KHDRBS2: variants seen among roughly 807,000 people sequenced by gnomAD.
KHDRBS2 encodes KH RNA binding domain containing, signal transduction associated 2.
Under a neutral mutation model 44.3 loss-of-function variants are expected in KHDRBS2, and 26 were observed. The observed-to-expected ratio is 0.59, with a 90% CI of 0.43 to 0.81. The LOEUF is 0.81. KHDRBS2 is among the 40% of genes least tolerant of loss of function. The pLI, the probability that KHDRBS2 is intolerant of heterozygous loss-of-function variation, is 0.00. For synonymous variants in KHDRBS2, 194 were observed against 151.1 expected, an observed-to-expected ratio of 1.28 and a Z score of -2.08; for missense variants, 476 against 433.1, an observed-to-expected ratio of 1.10 and a Z score of -0.88.
chr6:61,913,171 A>G (rs559794981), intron 4 of KHDRBS2, among the ~76,000 whole-genome samples: 2 of 152,138 alleles, frequency 1.3e-5, no homozygotes, highest in East Asian at 1.9e-4. Flanking sequence ...GGCCATTTAT[A>G]TACTCTATGA....
intron 4 of KHDRBS2, among the ~76,000 whole-genome samples, chr6:61,975,102 T>G (rs1166899915): frequency 6.6e-6 from 1 of 152,172 alleles, no homozygotes; most frequent in South Asian, 2.1e-4. Context: ...ACCAGCATCC[T>G]AAAGCATTCA....
the KHDRBS2 span, among the ~76,000 whole-genome samples, chr6:61,553,734 T>G: frequency 3.4e-4 from 52 of 152,310 alleles, no homozygotes; most frequent in East Asian, 9.6e-3. Context: ...ATTTCTTGAT[T>G]TCTGCCTTGA....
At chr6:61,663,167 G>A in the KHDRBS2 span, among the ~76,000 whole-genome samples, 18 of 145,142 alleles carry the variant, frequency 1.2e-4, no homozygotes, top group South Asian at 4.5e-4. Flanking sequence ...ACCAAACGCC[G>A]CGTGTTCTCA....
the KHDRBS2 span, among the ~76,000 whole-genome samples, chr6:61,588,624 A>G: frequency 1.3e-5 from 2 of 152,116 alleles, no homozygotes; most frequent in Non-Finnish European, 2.9e-5. Context: ...TCTCTACAAA[A>G]AAACAAAACC....
intron 1 of KHDRBS2, among the ~76,000 whole-genome samples, chr6:62,226,624 A>G (rs1032740243): frequency 6.6e-6 from 1 of 152,136 alleles, no homozygotes; most frequent in African/African-American, 2.4e-5. Flanking sequence ...CTACGTCTCA[A>G]TGATACTGCT....
At chr6:61,953,659 T>C (rs1435570447) in intron 4 of KHDRBS2, among the ~76,000 whole-genome samples, 1 of 152,084 alleles carries the variant, frequency 6.6e-6, no homozygotes, top group Non-Finnish European at 1.5e-5. Flanking sequence ...TTCATATTCA[T>C]GAAATTCATT....
chr6:61,635,601 A>G, the KHDRBS2 span, among the ~76,000 whole-genome samples: 1 of 151,986 alleles, frequency 6.6e-6, no homozygotes, highest in Non-Finnish European at 1.5e-5. Context: ...GGAAATGAAG[A>G]TAAACTGAAA....
chr6:61,770,285 T>G (rs1780658864), intron 6 of KHDRBS2, among the ~76,000 whole-genome samples: 2 of 152,100 alleles, frequency 1.3e-5, no homozygotes, highest in Non-Finnish European at 2.9e-5. Flanking sequence ...GTGCCTCTCC[T>G]CCTCCAAAGG....
chr6:61,911,301 G>A (rs1583467138), intron 4 of KHDRBS2, among the ~76,000 whole-genome samples: 1 of 152,146 alleles, frequency 6.6e-6, no homozygotes, highest in Non-Finnish European at 1.5e-5. Flanking sequence ...TGTAGTCAGT[G>A]CATTTCTGAG....
the KHDRBS2 span, chr6:61,661,304 C>A: frequency 6.6e-6 from 1 of 151,796 alleles, no homozygotes; most frequent in East Asian, 2.0e-4. Context: ...AAACATTAAA[C>A]CTCCAAACAG....
chr6:62,251,959 C>T (rs1373082316), intron 1 of KHDRBS2, among the ~76,000 whole-genome samples: 1 of 151,732 alleles, frequency 6.6e-6, no homozygotes, highest in Non-Finnish European at 1.5e-5. Context: ...AATTCCACAA[C>T]CATTTATAAT....
chr6:61,773,734 A>G (rs1781427802), intron 6 of KHDRBS2, among the ~76,000 whole-genome samples: 1 of 151,820 alleles, frequency 6.6e-6, no homozygotes, highest in South Asian at 2.1e-4. Context: ...TATGTCCTGA[A>G]TGGTAATGCC....
At chr6:61,880,180 C>G (rs1013210891) in intron 6 of KHDRBS2, among the ~76,000 whole-genome samples, 1 of 151,784 alleles carries the variant, frequency 6.6e-6, no homozygotes, top group African/African-American at 2.4e-5. Flanking sequence ...AAATTGAAGA[C>G]TCTCGAACAG....
intron 2 of KHDRBS2, among the ~76,000 whole-genome samples, chr6:62,128,905 A>G (rs1809597334): frequency 6.6e-6 from 1 of 152,056 alleles, no homozygotes; most frequent in African/African-American, 2.4e-5. Flanking sequence ...CATGATTATA[A>G]TTACTTTGTT....
chr6:62,103,745 TG>T (rs1802468602), intron 2 of KHDRBS2, among the ~76,000 whole-genome samples: 1 of 152,136 alleles, frequency 6.6e-6, no homozygotes, highest in Non-Finnish European at 1.5e-5. Flanking sequence ...GACCTTGCAG[TG>T]GCCCCTCCAG....
chr6:61,809,918 T>C (rs1269032206), intron 6 of KHDRBS2, among the ~76,000 whole-genome samples: 2 of 152,104 alleles, frequency 1.3e-5, no homozygotes, highest in African/African-American at 2.4e-5. Context: ...TTTTGTAAAG[T>C]ATAAGAGAAA....
intron 7 of KHDRBS2, among the ~76,000 whole-genome samples, chr6:61,697,604 GT>G (rs1284384902): frequency 1.3e-5 from 2 of 152,088 alleles, no homozygotes; most frequent in Admixed American, 1.3e-4. Flanking sequence ...GGTCAATCAT[GT>G]ATAGCTTTTA....
the KHDRBS2 span, among the ~76,000 whole-genome samples, chr6:61,613,665 C>A: frequency 6.6e-6 from 1 of 152,040 alleles, no homozygotes; most frequent in African/African-American, 2.4e-5. Flanking sequence ...GTGTATGTAA[C>A]TTTAAATGAA....
the KHDRBS2 span, among the ~76,000 whole-genome samples, chr6:61,673,575 G>C: frequency 5.3e-4 from 75 of 142,052 alleles, no homozygotes; most frequent in African/African-American, 1.5e-3. Flanking sequence ...CTTCAGCAAA[G>C]TCTCAGGATA....
Sources: gnomAD v4.1 joint callset for allele counts (sites outside exome capture counted in the v4.1 genomes callset) on GRCh38, gnomAD v4.1.1 for gene constraint, MANE v1.5 for transcripts, NCBI Gene and HGNC (gene_info 2026-07-23, HGNC 2026-07-21) for gene names.